AASS: variants seen among roughly 807,000 people sequenced by gnomAD.
AASS encodes the protein aminoadipate-semialdehyde synthase.
A neutral mutation model predicts 105.4 loss-of-function variants in AASS; 86 were observed. The observed-to-expected ratio is 0.82, with a 90% CI of 0.69 to 0.98. AASS has a LOEUF of 0.98. Ranked by LOEUF, AASS falls within the 50% of genes least tolerant of loss-of-function variation. The pLI, the probability that AASS is intolerant of heterozygous loss-of-function variation, is 0.00. For synonymous variants in AASS, 381 were observed against 394.8 expected (o/e 0.96, Z 0.41); for missense variants, 1,048 against 1,143.2 (o/e 0.92, Z 1.20).
chr7:122,132,669 T>C (rs1054668152), intron 2 of AASS, among the ~76,000 whole-genome samples: 4 of 152,170 alleles, frequency 2.6e-5, no homozygotes. Flanking sequence ...GTTGTATTCA[T>C]GCCAAACATT....
rs1188693006 is a variant in AASS at position 122,073,931 on chromosome 7, A to AGGGTTCC, written c.*2557_*2558insGGAACCC. On this transcript the variant is annotated 3_prime_UTR_variant, in exon 24 of 24. Coordinates refer to ENST00000417368, the MANE Select transcript of AASS (RefSeq NM_005763.4). ...TACTTCATCTCTTTTTTTATTGCTG[A>AGGGTTCC]ATAATATTCCTTGTATGGATATGCC... Among the ~76,000 whole-genome samples the AGGGTTCC allele has an allele frequency of 6.6e-6, 1 of 152,072 alleles. No individual in the cohort carries two copies. The highest frequency in any genetic ancestry group is 2.4e-5 in the African/African-American group (1 of 41,412).
intron 18 of AASS, among the ~76,000 whole-genome samples, chr7:122,091,242 A>T (rs1050323275): frequency 3.7e-4 from 56 of 152,176 alleles, no homozygotes; most frequent in African/African-American, 1.3e-3. Flanking sequence ...GCAGCTGGGG[A>T]AGAAATTATA....
intron 15 of AASS, among the ~76,000 whole-genome samples, chr7:122,095,489 C>T (rs1350890836): frequency 6.8e-6 from 1 of 146,892 alleles, no homozygotes; most frequent in Non-Finnish European, 1.5e-5. Flanking sequence ...ACAGTACCAA[C>T]AAAAAAAAAT....
chr7:122,089,175 A>C (rs1308783101), intron 18 of AASS, among the ~76,000 whole-genome samples: 10 of 152,056 alleles, frequency 6.6e-5, no homozygotes, highest in African/African-American at 2.4e-4. Flanking sequence ...AATACAAGAG[A>C]GGTTTTAAGT....
chr7:122,103,348 A>G (rs540198298), intron 11 of AASS, among the ~76,000 whole-genome samples: 1 of 152,184 alleles, frequency 6.6e-6, no homozygotes, highest in East Asian at 1.9e-4. Flanking sequence ...AGCCAAAAAT[A>G]CTATACACAG....
At position 122,118,414 on chromosome 7, in the gene AASS, C is replaced by A; in HGVS notation, c.580G>T (p.Ala194Ser). The A allele has an allele frequency of 1.2e-6, 2 of 1,614,164 alleles. No individual in the cohort carries two copies. The highest frequency in any genetic ancestry group is 1.7e-6 in the Non-Finnish European group (2 of 1,180,024). Residue 194 changes from alanine to serine, a missense_variant, in exon 6 of 24, where the codon GCT becomes TCT. Ala to Ser is a moderately conservative substitution (Grantham distance 99). Transcript: ENST00000417368. ...CCAGCATCACGGACAGCTTGCACAG[C>A]CTGACTGCTATTCCTGTAGTTATGA... ...MAHNYRNSSQ[A>S]VQAVRDAGYE...
At chr7:122,123,367 A>G (rs993988966) in intron 4 of AASS, among the ~76,000 whole-genome samples, 1 of 152,180 alleles carries the variant, frequency 6.6e-6, no homozygotes, top group Non-Finnish European at 1.5e-5. Context: ...CATAGAGCTC[A>G]CCTCATCTAT....
rs1208971701 is a variant in AASS at position 122,074,579 on chromosome 7, G to A, written c.*1910C>T. ...TCAAAGTCAGAAAGATTTACGCCAT[G>A]TTTTCTTTGAAGATACTTACAATAT... On this transcript the variant is annotated 3_prime_UTR_variant, in exon 24 of 24. Coordinates refer to ENST00000417368, the MANE Select transcript of AASS (RefSeq NM_005763.4). Among the ~76,000 whole-genome samples the A allele has an allele frequency of 6.6e-6, 1 of 152,094 alleles. No homozygotes were observed. Among genetic ancestry groups the A allele is most frequent in the African/African-American group, 2.4e-5 (1 of 41,430 alleles).
chr7:122,107,229 A>G (rs1794707949), intron 11 of AASS, among the ~76,000 whole-genome samples: 1 of 152,164 alleles, frequency 6.6e-6, no homozygotes, highest in Admixed American at 6.6e-5. Context: ...CTAAAAGGTC[A>G]AAACATAACA....
At chr7:122,098,094 T>C (rs920055696) in intron 15 of AASS, among the ~76,000 whole-genome samples, 1 of 151,982 alleles carries the variant, frequency 6.6e-6, no homozygotes, top group East Asian at 1.9e-4. Flanking sequence ...CAAATGAGGA[T>C]ATATTGAATG....
Position 122,102,222 on chromosome 7 carries a change from T to C in AASS, c.1279-542A>G, listed in dbSNP as rs558729951. 2.6e-5 allele frequency among the ~76,000 whole-genome samples: 4 copies of C among 152,032 alleles called. No individual in the cohort carries two copies. In the South Asian group the frequency reaches 8.3e-4, roughly 32 times the overall value. ...CAAAAGTGACTTGACTGAGTAGACC[T>C]AGAAAGTCATTCACACCCTCTTCAC... On this transcript the variant is annotated intron_variant, in intron 11 of 23. Coordinates refer to ENST00000417368, the MANE Select transcript of AASS (RefSeq NM_005763.4).
At chr7:122,125,116 C>T (rs930755564) in intron 4 of AASS, among the ~76,000 whole-genome samples, 1 of 152,022 alleles carries the variant, frequency 6.6e-6, no homozygotes, top group Non-Finnish European at 1.5e-5. Flanking sequence ...GACAGGATTT[C>T]ACCATATTGG....
chr7:122,086,241 T>C (rs1793618320), intron 18 of AASS, 62 bp from the exon 19 acceptor site: 1 of 1,502,512 alleles, frequency 6.7e-7, no homozygotes. Context: ...AGGGCTTATC[T>C]GCATTATACG....
intron 1 of AASS, among the ~76,000 whole-genome samples, chr7:122,137,099 C>A (rs746147097): frequency 5.9e-5 from 9 of 152,190 alleles, no homozygotes; most frequent in Admixed American, 1.3e-4. Context: ...CTGTAACTTT[C>A]ATTATTTAAA....
chr7:122,130,568 C>T (rs1795863008), intron 2 of AASS, among the ~76,000 whole-genome samples: 1 of 151,884 alleles, frequency 6.6e-6, no homozygotes, highest in Non-Finnish European at 1.5e-5. Flanking sequence ...AATGGGAAAC[C>T]TGAGGCTTAC....
At chr7:122,091,558 A>G (rs767055391) in intron 18 of AASS, 145 bp downstream of exon 18, 23 of 1,315,996 alleles carry the variant, frequency 1.7e-5, no homozygotes, top group Middle Eastern at 1.9e-4. Context: ...TAGAACAGAA[A>G]ATATACACTG....
chr7:122,085,494 T>C (rs193037780), intron 19 of AASS, among the ~76,000 whole-genome samples: 2 of 152,226 alleles, frequency 1.3e-5, no homozygotes, highest in Non-Finnish European at 2.9e-5. Context: ...CCAGTCCATG[T>C]TTTTTTAATG....
chr7:122,093,703 C>T (rs1049555114), intron 15 of AASS, among the ~76,000 whole-genome samples: 1 of 151,940 alleles, frequency 6.6e-6, no homozygotes, highest in African/African-American at 2.4e-5. Flanking sequence ...CCAGCTACTC[C>T]AGAGACTGAA....
At chr7:122,142,154 G>A (rs985762962) in intron 1 of AASS, among the ~76,000 whole-genome samples, 1 of 152,158 alleles carries the variant, frequency 6.6e-6, no homozygotes, top group African/African-American at 2.4e-5. Context: ...GACCTTGGCT[G>A]GCAACTTAAC....
Sources: allele counts gnomAD v4.1 joint callset (sites outside exome capture counted in the v4.1 genomes callset), GRCh38; gene constraint gnomAD v4.1.1; transcripts MANE v1.5; gene names NCBI Gene and HGNC (gene_info 2026-07-23, HGNC 2026-07-21).